Variants in ASB2 observed in about 807,000 individuals in gnomAD.
The protein encoded by ASB2 is ankyrin repeat and SOCS box protein 2.
A neutral mutation model predicts 62.4 loss-of-function variants in ASB2; 58 were observed. That is an observed-to-expected ratio of 0.93 (90% CI 0.75 to 1.16). The LOEUF (loss-of-function observed/expected upper bound fraction) is 1.16. Among genes scored for constraint, ASB2 ranks in the 50% most tolerant of loss-of-function variants. The pLI is 0.00. For missense variants in ASB2, 928 were observed against 887.9 expected (o/e 1.05, Z -0.57); for synonymous variants, 386 against 385.3 (o/e 1.00, Z -0.02).
At position 93,950,812 on chromosome 14, in the gene ASB2, G is replaced by A. The variant is rs568154804; in HGVS notation, c.880+187C>T. Among the ~76,000 whole-genome samples, 36 of 152,234 alleles carry A rather than the reference G, an allele frequency of 2.4e-4. 1 individual carries two copies. The South Asian group carries it at 6.7e-3, about 28-fold the overall frequency. On this transcript the variant is annotated intron_variant, in intron 6 of 9. Transcript: ENST00000555019. The stretch of plus-strand genomic sequence containing the variant: ...GCAGATGTCACTAGTGGATCCCGAC[G>A]CTCTTCCCACTGAGCCTGGACACAG...
In ASB2 at chr14:93,944,595, G is replaced by C. The variant is rs368631393; in HGVS notation, c.1052+2754C>G. 1.2e-3 allele frequency among the ~76,000 whole-genome samples: 180 copies of C among 152,336 alleles called. 1 individual carries two copies. The highest frequency in any genetic ancestry group is 2.1e-3 in the Non-Finnish European group (140 of 68,024). On this transcript the variant is annotated intron_variant, in intron 7 of 9. Coordinates refer to ENST00000555019, the MANE Select transcript of ASB2 (RefSeq NM_001202429.2). The stretch of plus-strand genomic sequence containing the variant: ...TGCCCAGGGAGGGAGTGATGAGCTC[G>C]GGGCTTGCTGGCCATGGGCTCTGCC...
intron 7 of ASB2, among the ~76,000 whole-genome samples, chr14:93,946,204 G>A (rs990838303): frequency 1.1e-4 from 17 of 152,196 alleles, no homozygotes; most frequent in Admixed American, 1.3e-4. Context: ...CTTTCAAGGG[G>A]CAAATCTCTT....
At chr14:93,944,137 C>G in intron 7 of ASB2, 1 of 385,200 alleles carries the variant, frequency 2.6e-6, no homozygotes, top group Non-Finnish European at 5.1e-6. Context: ...AGCGGCAGCG[C>G]CATCTCGTCA....
chr14:93,939,866 C>T, intron 7 of ASB2, 194 bp from the exon 8 acceptor site: 1 of 467,214 alleles, frequency 2.1e-6, no homozygotes. Flanking sequence ...GGGTCGGCTG[C>T]CGTCTCCGCT....
chr14:93,954,477 C>T lies in ASB2; in HGVS notation c.318G>A (p.Ala106=), dbSNP rs201823942. 3.2e-5 allele frequency: 51 copies of T among 1,614,028 alleles called. No individual in the cohort carries two copies. Among genetic ancestry groups the T allele is most frequent in the Middle Eastern group, 1.6e-4 (1 of 6,082 alleles). ...CCTTGATGGCCTTTATCAAGGGGTC[C>T]GCAGGCCTGTGAGAGGAAGGAGTGG... The part of the protein sequence containing the change: ...SLFKTSQLAP[A]DPLIKAIKDG... Residue 106 remains alanine (A), a synonymous_variant, in exon 4 of 10, where the codon GCG becomes GCA. Transcript: ENST00000555019.
intron 7 of ASB2, chr14:93,941,657 T>A (rs1411054990): frequency 2.2e-6 from 1 of 455,500 alleles, no homozygotes; most frequent in Non-Finnish European, 4.4e-6. Context: ...AATGCTCTGC[T>A]AACAGCTGTA....
At position 93,939,091 on chromosome 14, in the gene ASB2, C is replaced by A. The variant is rs777418566; in HGVS notation, c.1617+17G>T. On this transcript the variant is annotated intron_variant, in intron 8 of 9. Coordinates refer to ENST00000555019, the MANE Select transcript of ASB2 (RefSeq NM_001202429.2). ...ACCCAAAAGGCGTGCTCCCCACCGC[C>A]AGCGTGCGCTGCCCACCTGCACCAC... 2.1e-5 allele frequency: 31 copies of A among 1,444,562 alleles called. No individual in the cohort carries two copies. In the African/African-American group the frequency reaches 4.5e-4, roughly 21 times the overall value. The allele number at this position is 1,444,562 out of a possible 1,614,324, so 89.5% of individuals were successfully genotyped here.
chr14:93,938,200 G>A lies in ASB2; in HGVS notation c.1618-349C>T, dbSNP rs562629381. ...ACCATTAAAACAATGAGCTCCAGGA[G>A]AGGAGTGTGTCTAACTTCCTTTTAA... On this transcript the variant is annotated intron_variant, in intron 8 of 9. Coordinates refer to ENST00000555019, the MANE Select transcript of ASB2 (RefSeq NM_001202429.2). Among the ~76,000 whole-genome samples the A allele has an allele frequency of 3.5e-3, 524 of 149,394 alleles. 2 individuals carry two copies. The highest frequency in any genetic ancestry group is 5.5e-3 in the Non-Finnish European group (370 of 67,556).
At chr14:93,971,534 T>C (rs1172539942) in intron 1 of ASB2, among the ~76,000 whole-genome samples, 2 of 152,246 alleles carry the variant, frequency 1.3e-5, no homozygotes, top group Non-Finnish European at 2.9e-5. Flanking sequence ...GTATTTTGGT[T>C]AGGGTTCACT....
intron 8 of ASB2, among the ~76,000 whole-genome samples, chr14:93,938,572 T>C (rs1030036267): frequency 2.6e-5 from 4 of 152,188 alleles, no homozygotes; most frequent in Admixed American, 2.0e-4. Flanking sequence ...AACATGGACG[T>C]GTCCTGCCTC....
intron 7 of ASB2, chr14:93,944,162 A>G (rs1279684005): frequency 1.7e-5 from 6 of 363,608 alleles, no homozygotes; most frequent in Non-Finnish European, 2.7e-5. Flanking sequence ...GGGCCCAGGC[A>G]TCAGGGTTTC....
chr14:93,962,866 G>A (rs371764739), intron 2 of ASB2, among the ~76,000 whole-genome samples: 3 of 152,326 alleles, frequency 2.0e-5, no homozygotes, highest in South Asian at 2.1e-4. Flanking sequence ...CCGCTGAACC[G>A]GCCAGAACAG....
In ASB2 at chr14:93,939,380, T is replaced by A; in HGVS notation, c.1345A>T (p.Ile449Phe). 1.2e-6 allele frequency: 2 copies of A among 1,612,768 alleles called. No homozygotes were observed. The highest frequency in any genetic ancestry group is 1.3e-5 in the African/African-American group (1 of 75,018). Residue 449 changes from isoleucine (I) to phenylalanine (F), a missense_variant, in exon 8 of 10, where the codon ATC becomes TTC. By Grantham distance (21) the Ile-to-Phe change is conservative. Coordinates refer to ENST00000555019, the MANE Select transcript of ASB2 (RefSeq NM_001202429.2). ...ATTGTGCGCAGGCAGCCGTGGCGGA[T>A]GGCCACGAGCAAGGGGCTGATGACG... ...RDVISPLLVAIRHGCLRTMQL... is the reference protein window; with the variant it reads ...RDVISPLLVAFRHGCLRTMQL...
At chr14:93,944,386 C>T (rs970229146) in intron 7 of ASB2, among the ~76,000 whole-genome samples, 2 of 152,240 alleles carry the variant, frequency 1.3e-5, no homozygotes, top group Admixed American at 6.5e-5. Context: ...TCAGCACACC[C>T]GCATGTCACC....
At chr14:93,961,683 G>A (rs1287439627) in intron 2 of ASB2, among the ~76,000 whole-genome samples, 6 of 152,230 alleles carry the variant, frequency 3.9e-5, no homozygotes, top group Admixed American at 3.9e-4. Flanking sequence ...TGCTAAACTT[G>A]CTGTGAATTT....
intron 2 of ASB2, among the ~76,000 whole-genome samples, chr14:93,962,813 T>C (rs1889457276): frequency 6.6e-6 from 1 of 152,228 alleles, no homozygotes; most frequent in African/African-American, 2.4e-5. Context: ...GCCCTATCTC[T>C]ATCTGACCCC....
intron 7 of ASB2, chr14:93,941,308 A>C (rs1323068596): frequency 7.9e-6 from 2 of 253,614 alleles, no homozygotes; most frequent in Non-Finnish European, 1.5e-5. Context: ...GACTCCAAGG[A>C]GGTGGCCATT....
At position 93,939,159 on chromosome 14, in the gene ASB2, G is replaced by A; in HGVS notation, c.1566C>T (p.Ser522=). The change falls in exon 8 of 10, where the codon TCC becomes TCT. Residue 522 remains serine (S), a synonymous_variant. Coordinates refer to ENST00000555019, the MANE Select transcript of ASB2 (RefSeq NM_001202429.2). ...CCGCGGGCGCGTCGTTGAACCTGCT[G>A]GAGGGCTGCGGGGCCGGCGGGTGCG... is the stretch of plus-strand genomic sequence containing the variant. ...NGPHPPAPQP[S]SRFNDAPAAD... is the part of the protein sequence containing the mutation. 1 of 1,587,832 alleles carries A rather than the reference G, an allele frequency of 6.3e-7. No individual in the cohort carries two copies. The highest frequency in any genetic ancestry group is 1.3e-5 in the African/African-American group (1 of 74,372).
chr14:93,948,888 C>T (rs183830020), intron 6 of ASB2, among the ~76,000 whole-genome samples: 7 of 152,290 alleles, frequency 4.6e-5, no homozygotes, highest in South Asian at 2.1e-4. Context: ...GGCAGTGAGC[C>T]GGGATCACAC....
Sources: allele counts gnomAD v4.1 joint callset (sites outside exome capture counted in the v4.1 genomes callset), GRCh38; gene constraint gnomAD v4.1.1; transcripts MANE v1.5; gene names NCBI Gene and HGNC (gene_info 2026-07-23, HGNC 2026-07-21).